The following CAST variants were observed in gnomAD, a reference collection of about 807,000 sequenced individuals.
CAST encodes calpastatin.
Under a neutral mutation model 119.6 loss-of-function variants are expected in CAST, and 76 were observed. That is an observed-to-expected ratio of 0.64 (90% confidence interval 0.53 to 0.77). CAST has a LOEUF of 0.77. Ranked by LOEUF, CAST falls within the 30% of genes least tolerant of loss-of-function variation. CAST has a pLI of 0.00. For missense variants in CAST, 953 were observed against 946.5 expected, an observed-to-expected ratio of 1.01 and a Z score of -0.09; for synonymous variants, 319 against 331.6, an observed-to-expected ratio of 0.96 and a Z score of 0.41.
chr5:96,137,178 C>T, the CAST span, among the ~76,000 whole-genome samples: 4 of 152,166 alleles, frequency 2.6e-5, no homozygotes, highest in African/African-American at 9.7e-5. Context: ...TCTGGTGCTT[C>T]AGTTGTATGA....
the CAST span, among the ~76,000 whole-genome samples, chr5:96,464,107 GGTTTT>G: frequency 2.6e-5 from 4 of 151,902 alleles, no homozygotes. Flanking sequence ...TAGGTCTAAA[GGTTTT>G]GTTTTGTTTT....
chr5:96,342,070 C>G, the CAST span, among the ~76,000 whole-genome samples: 1 of 152,178 alleles, frequency 6.6e-6, no homozygotes, highest in Non-Finnish European at 1.5e-5. Context: ...CCCCAAGATT[C>G]TTCTTCCTCA....
chr5:96,343,711 G>T, the CAST span, among the ~76,000 whole-genome samples: 1 of 152,150 alleles, frequency 6.6e-6, no homozygotes, highest in East Asian at 1.9e-4. Flanking sequence ...ACCATTTTAG[G>T]CATTGCAGCA....
chr5:96,328,373 T>C, the CAST span, among the ~76,000 whole-genome samples: 44 of 93,830 alleles, frequency 4.7e-4, no homozygotes, highest in South Asian at 1.3e-3. Context: ...CTGTCTTTCC[T>C]TCTCTCTCCC....
chr5:96,590,727 C>T lies in CAST; in HGVS notation c.60+60847C>T, dbSNP rs371219810. On this transcript the variant is annotated intron_variant, in intron 1 of 11. Transcript: ENST00000505143. Reference sequence around the variant, plus strand: ...GTCAGGGTGAGACTGGAAACTGGTTCCTATTCTCCAACTCCTTGCAAAGTT... The same window carrying T: ...GTCAGGGTGAGACTGGAAACTGGTTTCTATTCTCCAACTCCTTGCAAAGTT... 4.6e-5 allele frequency among the ~76,000 whole-genome samples: 7 copies of T among 152,308 alleles called. No homozygotes were observed. The East Asian group carries it at 1.3e-3, about 29-fold the overall frequency.
the CAST span, among the ~76,000 whole-genome samples, chr5:96,238,692 G>A: frequency 1.3e-4 from 19 of 151,742 alleles, no homozygotes; most frequent in Admixed American, 3.3e-4. Flanking sequence ...GAGCCACCGC[G>A]CCCAGCCTAT....
chr5:96,149,272 G>A, the CAST span, among the ~76,000 whole-genome samples: 13 of 152,306 alleles, frequency 8.5e-5, no homozygotes, highest in East Asian at 2.3e-3. Context: ...GGGGCTGGAG[G>A]CCGAACTCTA....
At chr5:96,160,513 C>T in the CAST span, among the ~76,000 whole-genome samples, 7 of 152,060 alleles carry the variant, frequency 4.6e-5, no homozygotes, top group Non-Finnish European at 7.4e-5. Context: ...ATTCATCTAC[C>T]GATATACTTT....
chr5:96,524,623 C>G (rs2150175881), upstream of CAST, among the ~76,000 whole-genome samples: 1 of 152,284 alleles, frequency 6.6e-6, no homozygotes, highest in East Asian at 1.9e-4. Flanking sequence ...TATGCCCAAG[C>G]TGCCTATTTC....
chr5:96,326,642 C>T, the CAST span, among the ~76,000 whole-genome samples: 1 of 150,620 alleles, frequency 6.6e-6, no homozygotes, highest in African/African-American at 2.4e-5. Flanking sequence ...GTTTGCAGGC[C>T]TGTATTTCCT....
the CAST span, among the ~76,000 whole-genome samples, chr5:96,147,543 C>T: frequency 6.6e-6 from 1 of 152,138 alleles, no homozygotes; most frequent in Non-Finnish European, 1.5e-5. Flanking sequence ...GCGGAGCTTG[C>T]AGTGAGCCGA....
At chr5:96,560,009 T>A (rs1746322590) in intron 1 of CAST, among the ~76,000 whole-genome samples, 1 of 152,038 alleles carries the variant, frequency 6.6e-6, no homozygotes, top group South Asian at 2.1e-4. Context: ...AAAACAGAGA[T>A]ATAGACCAAT....
the CAST span, among the ~76,000 whole-genome samples, chr5:96,099,409 C>A: frequency 6.6e-6 from 1 of 151,984 alleles, no homozygotes; most frequent in South Asian, 2.1e-4. Context: ...TGTTGATTTT[C>A]AAGGGGAATG....
chr5:96,696,028 T>C (rs1753249919), intron 3 of CAST, 121 bp downstream of exon 3: 1 of 516,996 alleles, frequency 1.9e-6, no homozygotes, highest in South Asian at 3.6e-5. Context: ...TTTAACAAAG[T>C]ATCATTTCTG....
the CAST span, among the ~76,000 whole-genome samples, chr5:96,284,311 C>G: frequency 1.3e-5 from 2 of 152,242 alleles, no homozygotes; most frequent in South Asian, 4.2e-4. Flanking sequence ...CATCTCAATC[C>G]TCAATCAAGT....
the CAST span, among the ~76,000 whole-genome samples, chr5:96,035,071 A>ATATATATATATATATATATATATTTAAG: frequency 1.8e-3 from 30 of 16,524 alleles, no homozygotes; most frequent in African/African-American, 6.9e-3. Context: ...ATATTTAAGT[A>ATATATATATATATATATATATATTTAAG]TATATATATA....
intron 1 of CAST, among the ~76,000 whole-genome samples, chr5:96,671,065 T>C (rs1214646955): frequency 6.6e-6 from 1 of 152,254 alleles, no homozygotes; most frequent in Non-Finnish European, 1.5e-5. Context: ...ACAGTTGTAG[T>C]TGCCAACTAT....
intron 1 of CAST, among the ~76,000 whole-genome samples, chr5:96,573,801 C>CAAACA (rs1746616397): frequency 6.6e-6 from 1 of 152,208 alleles, no homozygotes; most frequent in Non-Finnish European, 1.5e-5. Flanking sequence ...CTCAAACAAC[C>CAAACA]ACTCTTCTGA....
chr5:96,427,690 A>G, the CAST span, among the ~76,000 whole-genome samples: 14 of 152,212 alleles, frequency 9.2e-5, no homozygotes, highest in African/African-American at 3.1e-4. Context: ...ACAGTTAGGT[A>G]TGCTCTATTC....
Sources: allele counts gnomAD v4.1 joint callset (sites outside exome capture counted in the v4.1 genomes callset), GRCh38; gene constraint gnomAD v4.1.1; transcripts MANE v1.5; gene names NCBI Gene and HGNC (gene_info 2026-07-23, HGNC 2026-07-21).